The following VPS13B variants were observed in gnomAD, a reference collection of about 807,000 sequenced individuals.
VPS13B encodes the protein intermembrane lipid transfer protein VPS13B.
Under a neutral mutation model 426.4 loss-of-function variants are expected in VPS13B, and 285 were observed. The observed-to-expected ratio is 0.67, with a 90% confidence interval of 0.61 to 0.74. The LOEUF (loss-of-function observed/expected upper bound fraction) is 0.74, where lower values mean the gene tolerates loss of function less well. Among genes scored for constraint, VPS13B ranks in the 30% least tolerant of loss-of-function variants. The pLI, the probability that VPS13B is intolerant of heterozygous loss-of-function variation, is 0.00. For missense variants in VPS13B, 4,537 were observed against 4,782.6 expected (o/e 0.95, Z 1.51); for synonymous variants, 1,676 against 1,676.4 (o/e 1.00, Z 0.01).
intron 33 of VPS13B, among the ~76,000 whole-genome samples, chr8:99,581,408 A>G (rs1313918624): frequency 1.3e-5 from 2 of 152,170 alleles, no homozygotes; most frequent in Non-Finnish European, 2.9e-5. Context: ...TGGATGATGG[A>G]TTAGGAAAAT....
intron 33 of VPS13B, among the ~76,000 whole-genome samples, chr8:99,639,998 T>G (rs1357589674): frequency 5.1e-4 from 24 of 47,074 alleles, no homozygotes; most frequent in African/African-American, 2.4e-3. Context: ...ATAATAATAA[T>G]AATAATAATA....
intron 19 of VPS13B, among the ~76,000 whole-genome samples, chr8:99,363,213 A>C (rs1339481754): frequency 2.6e-5 from 4 of 152,090 alleles, no homozygotes; most frequent in Admixed American, 2.0e-4. Context: ...GTCTAGTTTT[A>C]TTCTTATGCC....
chr8:99,395,202 G>C (rs1011911402), intron 21 of VPS13B, among the ~76,000 whole-genome samples: 2 of 152,216 alleles, frequency 1.3e-5, no homozygotes, highest in Non-Finnish European at 2.9e-5. Flanking sequence ...AGGAACTGAA[G>C]TTAAGGGAGG....
intron 36 of VPS13B, among the ~76,000 whole-genome samples, chr8:99,700,782 G>A (rs1210064084): frequency 6.6e-6 from 1 of 152,188 alleles, no homozygotes; most frequent in East Asian, 1.9e-4. Flanking sequence ...GCAAGACACA[G>A]GTGGGAAATA....
chr8:99,717,006 A>G (rs1184502999), intron 36 of VPS13B, among the ~76,000 whole-genome samples, 165 bp from the exon 37 acceptor site: 1 of 152,210 alleles, frequency 6.6e-6, no homozygotes, highest in African/African-American at 2.4e-5. Context: ...CCTGCTTCAT[A>G]ACTAGAACTC....
Position 99,844,736 on chromosome 8 carries a change from G to C in VPS13B, c.9943-4040G>C, listed in dbSNP as rs552436728. 1.4e-4 allele frequency among the ~76,000 whole-genome samples: 21 copies of C among 152,216 alleles called. No individual in the cohort carries two copies. In the East Asian group the frequency reaches 3.3e-3, roughly 24 times the overall value. On this transcript the variant is annotated intron_variant, in intron 54 of 61. Coordinates refer to ENST00000357162, the MANE Select transcript of VPS13B (RefSeq NM_152564.5). ...CCTGCCTTCTAATATCATCACATTG[G>C]GGGGCTAGAATTTCAGCGTATGAAT...
At chr8:99,458,107 C>T (rs988689500) in intron 23 of VPS13B, among the ~76,000 whole-genome samples, 15 of 149,240 alleles carry the variant, frequency 1.0e-4, no homozygotes, top group Admixed American at 7.4e-4. Flanking sequence ...GTGATGTTCC[C>T]CTTCCTGTGT....
At chr8:99,723,947 A>T (rs1833230981) in intron 39 of VPS13B, among the ~76,000 whole-genome samples, 1 of 152,196 alleles carries the variant, frequency 6.6e-6, no homozygotes, top group Admixed American at 6.5e-5. Context: ...ACAGATCAAG[A>T]CTGGCAACGA....
At chr8:99,729,330 C>T (rs1438185131) in intron 39 of VPS13B, among the ~76,000 whole-genome samples, 1 of 152,166 alleles carries the variant, frequency 6.6e-6, no homozygotes, top group Non-Finnish European at 1.5e-5. Flanking sequence ...CAGCTTTTCC[C>T]TTTGCAAATA....
At chr8:99,452,536 C>A (rs1588394363) in intron 23 of VPS13B, among the ~76,000 whole-genome samples, 1 of 152,164 alleles carries the variant, frequency 6.6e-6, no homozygotes, top group Non-Finnish European at 1.5e-5. Flanking sequence ...TCAAGTTATT[C>A]ATGGTAAATC....
At chr8:99,200,663 CT>C (rs1400584023) in intron 17 of VPS13B, among the ~76,000 whole-genome samples, 1 of 151,908 alleles carries the variant, frequency 6.6e-6, no homozygotes, top group Non-Finnish European at 1.5e-5. Context: ...TATTGAGTAT[CT>C]TTTTGTGTAT....
intron 19 of VPS13B, among the ~76,000 whole-genome samples, chr8:99,381,143 A>G (rs1294510625): frequency 6.6e-6 from 1 of 152,156 alleles, no homozygotes; most frequent in Admixed American, 6.5e-5. Flanking sequence ...CTAATAAGTG[A>G]GAACATGTGG....
At chr8:99,278,131 A>T (rs1447399424) in intron 19 of VPS13B, among the ~76,000 whole-genome samples, 1 of 152,152 alleles carries the variant, frequency 6.6e-6, no homozygotes, top group Non-Finnish European at 1.5e-5. Context: ...AATTTGAATG[A>T]TGATCATACT....
intron 3 of VPS13B, chr8:99,091,993 C>G (rs1846174869): frequency 6.6e-6 from 1 of 152,160 alleles, no homozygotes; most frequent in African/African-American, 2.4e-5. Flanking sequence ...TAGTTTTAGA[C>G]AAGGACTTCA....
At chr8:99,861,306 AT>A (rs1467512345) in intron 57 of VPS13B, among the ~76,000 whole-genome samples, 7 of 151,956 alleles carry the variant, frequency 4.6e-5, no homozygotes, top group Non-Finnish European at 1.0e-4. Context: ...ATTTTATTGT[AT>A]CTTATCTTAT....
rs1170788533 is a variant in VPS13B at position 99,832,751 on chromosome 8, A to G, written c.9614+99A>G. Reference sequence around the variant, plus strand: ...ATACAATGGTCGCAGGGCTCCCCATATGTAATATTAGGCTTTATTTTTAAT... The same window carrying G: ...ATACAATGGTCGCAGGGCTCCCCATGTGTAATATTAGGCTTTATTTTTAAT... On this transcript the variant is annotated intron_variant, in intron 52 of 61. Coordinates refer to ENST00000357162, the MANE Select transcript of VPS13B (RefSeq NM_152564.5). 4.9e-6 allele frequency: 6 copies of G among 1,212,576 alleles called. No individual in the cohort carries two copies. In the East Asian group the frequency reaches 7.2e-5, roughly 14 times the overall value. 75.1% of individuals were successfully genotyped at this position (1,212,576 alleles called of 1,614,324 possible). A position where few individuals can be genotyped will look rare whatever the true frequency, so the allele number is the denominator to read the frequency against.
At chr8:99,618,461 C>T (rs962060040) in intron 33 of VPS13B, among the ~76,000 whole-genome samples, 1 of 152,152 alleles carries the variant, frequency 6.6e-6, no homozygotes, top group Non-Finnish European at 1.5e-5. Flanking sequence ...AGGAAAAATA[C>T]TGGAATTGAG....
intron 26 of VPS13B, 120 bp downstream of exon 26, chr8:99,501,978 C>CGTCT (rs1243502603): frequency 6.2e-6 from 7 of 1,132,796 alleles, no homozygotes; most frequent in East Asian, 2.7e-5. Flanking sequence ...TCTGTCTTTC[C>CGTCT]GTCTGTCTGT....
chr8:99,813,504 T>A (rs1424791463), intron 44 of VPS13B, among the ~76,000 whole-genome samples: 1 of 152,246 alleles, frequency 6.6e-6, no homozygotes, highest in Non-Finnish European at 1.5e-5. Flanking sequence ...GGCAATGCTA[T>A]GGCATCATAA....
Sources: gnomAD v4.1 joint callset for allele counts (sites outside exome capture counted in the v4.1 genomes callset) on GRCh38, gnomAD v4.1.1 for gene constraint, MANE v1.5 for transcripts, NCBI Gene and HGNC (gene_info 2026-07-23, HGNC 2026-07-21) for gene names.